FER: variants seen among roughly 807,000 people sequenced by gnomAD.
The protein encoded by FER is FER tyrosine kinase, also known as tyrosine-protein kinase Fer.
FER carries 63 observed loss-of-function variants against 111.0 expected under a neutral mutation model. The observed-to-expected ratio is 0.57, with a 90% confidence interval of 0.46 to 0.70. FER has a LOEUF of 0.70. FER is among the 30% of genes least tolerant of loss of function. The pLI, the probability that FER is intolerant of heterozygous loss-of-function variation, is 0.00. For synonymous variants in FER, 327 were observed against 313.9 expected, an observed-to-expected ratio of 1.04 and a Z score of -0.44; for missense variants, 914 against 954.0, an observed-to-expected ratio of 0.96 and a Z score of 0.55.
intron 13 of FER, among the ~76,000 whole-genome samples, chr5:108,996,344 T>C (rs988766303): frequency 2.0e-5 from 3 of 152,236 alleles, no homozygotes; most frequent in African/African-American, 4.8e-5. Flanking sequence ...CCCATGCCCA[T>C]GTCCTGAATG....
intron 11 of FER, among the ~76,000 whole-genome samples, chr5:108,947,883 A>G (rs1023041067): frequency 4.0e-5 from 6 of 151,262 alleles, no homozygotes; most frequent in Admixed American, 2.0e-4. Context: ...TTATTTATTT[A>G]TTTATTTAAT....
At chr5:108,917,331 T>C (rs1008265597) in intron 10 of FER, among the ~76,000 whole-genome samples, 1 of 152,142 alleles carries the variant, frequency 6.6e-6, no homozygotes, top group African/African-American at 2.4e-5. Flanking sequence ...TTTAAGGTGA[T>C]GGAGTAATTA....
intron 5 of FER, among the ~76,000 whole-genome samples, chr5:108,852,752 A>G (rs1027993020): frequency 2.0e-5 from 3 of 152,130 alleles, no homozygotes; most frequent in Non-Finnish European, 4.4e-5. Context: ...TTTTTGCTGC[A>G]TAAAGTATGA....
At position 108,978,827 on chromosome 5, in the gene FER, C is replaced by T. The variant is rs535022473; in HGVS notation, c.1656+19480C>T. On this transcript the variant is annotated intron_variant, in intron 13 of 19. Coordinates refer to ENST00000281092, the MANE Select transcript of FER (RefSeq NM_005246.4). ...CAATAGTCTGGTTCTTACTCAAGGA[C>T]GTGAGTGGCACTTACATCCCTTAGA... Among the ~76,000 whole-genome samples the T allele has an allele frequency of 5.3e-5, 8 of 152,236 alleles. No homozygotes were observed. The South Asian group carries it at 1.5e-3, about 28-fold the overall frequency.
intron 17 of FER, among the ~76,000 whole-genome samples, chr5:109,129,333 C>T (rs1312762591): frequency 6.6e-6 from 1 of 151,974 alleles, no homozygotes. Flanking sequence ...AAACATACAT[C>T]TTAATTTTCC....
chr5:109,055,937 C>T (rs1002973546), intron 16 of FER, among the ~76,000 whole-genome samples: 1 of 150,938 alleles, frequency 6.6e-6, no homozygotes, highest in Non-Finnish European at 1.5e-5. Context: ...AGACGTTTCT[C>T]CAAAGAAAAC....
intron 5 of FER, among the ~76,000 whole-genome samples, chr5:108,844,075 A>AACATGTGTGAAC (rs1561500135): frequency 1.4e-5 from 2 of 146,440 alleles, no homozygotes; most frequent in East Asian, 1.9e-4. Flanking sequence ...TATGTGTGTG[A>AACATGTGTGAAC]ACATATATGC....
At chr5:108,998,617 T>C (rs1281121104) in intron 13 of FER, among the ~76,000 whole-genome samples, 1 of 152,210 alleles carries the variant, frequency 6.6e-6, no homozygotes, top group Non-Finnish European at 1.5e-5. Context: ...TCTTATTAAT[T>C]TGAGGTATGT....
Position 108,992,948 on chromosome 5 carries a change from G to A in FER, c.1656+33601G>A, listed in dbSNP as rs569326764. Among the ~76,000 whole-genome samples, 9 of 151,222 alleles carry A rather than the reference G, an allele frequency of 6.0e-5. No homozygotes were observed. The East Asian group carries it at 1.2e-3, about 20-fold the overall frequency. Reference sequence around the variant, plus strand: ...CCCACATCTCCGACGATGGGCGGCCGGGCAGAGACGCTCCTCACTTCCTAG... The same window carrying A: ...CCCACATCTCCGACGATGGGCGGCCAGGCAGAGACGCTCCTCACTTCCTAG... On this transcript the variant is annotated intron_variant, in intron 13 of 19. Coordinates refer to ENST00000281092, the MANE Select transcript of FER (RefSeq NM_005246.4).
chr5:108,923,983 C>T lies in FER; in HGVS notation c.1237-22147C>T, dbSNP rs544412937. Among the ~76,000 whole-genome samples, 3 of 152,098 alleles carry T rather than the reference C, an allele frequency of 2.0e-5. No homozygotes were observed. In the South Asian group the frequency reaches 6.2e-4, roughly 32 times the overall value. ...TGAAAGTGAGGTATATTCTCAGAGA[C>T]CTTGAGATCCAAAACCTAAAATAAG... On this transcript the variant is annotated intron_variant, in intron 10 of 19. Transcript: ENST00000281092.
At position 108,992,463 on chromosome 5, in the gene FER, C is replaced by T. The variant is rs537876440; in HGVS notation, c.1656+33116C>T. Among the ~76,000 whole-genome samples, 534 of 151,492 alleles carry T rather than the reference C, an allele frequency of 3.5e-3. 4 individuals are homozygous for T. The highest frequency in any genetic ancestry group is 6.3e-3 in the South Asian group (30 of 4,790). ...CCCAGTAGGGGCGGCAGGGCAGAGG[C>T]GCCCCTCACCTCCCGGACGGGGTGG... On this transcript the variant is annotated intron_variant, in intron 13 of 19. Transcript: ENST00000281092.
chr5:108,877,653 G>A (rs933572135), intron 8 of FER, among the ~76,000 whole-genome samples: 1 of 152,104 alleles, frequency 6.6e-6, no homozygotes, highest in African/African-American at 2.4e-5. Flanking sequence ...TGCCAGAAAA[G>A]TTACCTCAGG....
At chr5:108,985,241 G>A (rs2149731759) in intron 13 of FER, among the ~76,000 whole-genome samples, 1 of 152,156 alleles carries the variant, frequency 6.6e-6, no homozygotes, top group South Asian at 2.1e-4. Context: ...TACAAATATA[G>A]CTCTGAATAG....
At chr5:108,790,666 A>G (rs916063380) in intron 2 of FER, among the ~76,000 whole-genome samples, 8 of 152,190 alleles carry the variant, frequency 5.3e-5, no homozygotes, top group African/African-American at 1.7e-4. Context: ...TTGAACTATT[A>G]TTTATAACCA....
chr5:109,002,283 C>T (rs1017694484), intron 13 of FER, among the ~76,000 whole-genome samples: 1 of 151,896 alleles, frequency 6.6e-6, no homozygotes, highest in Non-Finnish European at 1.5e-5. Flanking sequence ...AGATATAGAC[C>T]AATGGAACAG....
intron 3 of FER, among the ~76,000 whole-genome samples, chr5:108,812,210 T>A: frequency 6.6e-6 from 1 of 152,246 alleles, no homozygotes; most frequent in East Asian, 1.9e-4. Context: ...TATTATTAGA[T>A]GCATAAATGT....
intron 16 of FER, among the ~76,000 whole-genome samples, chr5:109,066,175 A>G (rs907415461): frequency 1.3e-5 from 2 of 152,146 alleles, no homozygotes; most frequent in African/African-American, 2.4e-5. Context: ...ATCATTGATA[A>G]AGACTTCAAA....
chr5:109,177,557 C>T (rs754367446), intron 17 of FER: 4 of 128,760 alleles, frequency 3.1e-5, no homozygotes, highest in Non-Finnish European at 5.6e-5. Flanking sequence ...CAGAACAAGA[C>T]GTGCACCATT....
intron 5 of FER, among the ~76,000 whole-genome samples, chr5:108,845,004 A>ATATATATATATATATG (rs1761769893): frequency 7.4e-5 from 1 of 13,526 alleles, no homozygotes; most frequent in South Asian, 2.5e-3. Flanking sequence ...GTGTATATAT[A>ATATATATATATATATG]TATATATATA....
Sources: allele counts gnomAD v4.1 joint callset (sites outside exome capture counted in the v4.1 genomes callset), GRCh38; gene constraint gnomAD v4.1.1; transcripts MANE v1.5; gene names NCBI Gene and HGNC (gene_info 2026-07-23, HGNC 2026-07-21).